Variants in NAV3 observed in about 807,000 individuals in gnomAD.
NAV3 encodes the protein pore membrane and/or filament interacting like protein 1.
In NAV3, 87 loss-of-function variants were observed where a neutral mutation model predicts 244.7. The ratio of observed to expected loss-of-function variants is 0.36; its 90% CI spans 0.30 to 0.42. NAV3 has a LOEUF of 0.42. Ranked by LOEUF, NAV3 falls within the 20% of genes least tolerant of loss-of-function variation. NAV3 has a pLI of 1.00. For synonymous variants in NAV3, 1,126 were observed against 1,042.2 expected (o/e 1.08, Z -1.55); for missense variants, 2,663 against 2,893.3 (o/e 0.92, Z 1.83).
chr12:77,704,366 A>C (rs1004257920), intron 2 of NAV3, among the ~76,000 whole-genome samples: 1 of 152,170 alleles, frequency 6.6e-6, no homozygotes, highest in South Asian at 2.1e-4. Context: ...GAAGTTTTTA[A>C]GATATTATTA....
intron 34 of NAV3, among the ~76,000 whole-genome samples, 170 bp from the exon 35 acceptor site, chr12:78,197,077 C>A (rs913962757): frequency 6.6e-6 from 1 of 151,762 alleles, no homozygotes; most frequent in African/African-American, 2.4e-5. Context: ...ATTCTGTCAG[C>A]AATATATGGT....
chr12:78,016,106 G>A (rs1876161883), intron 8 of NAV3, among the ~76,000 whole-genome samples: 1 of 151,734 alleles, frequency 6.6e-6, no homozygotes, highest in African/African-American at 2.4e-5. Flanking sequence ...GGCTCATCTT[G>A]CACATTCCCT....
intron 18 of NAV3, among the ~76,000 whole-genome samples, chr12:78,135,219 A>G (rs1467179771): frequency 6.6e-6 from 1 of 152,198 alleles, no homozygotes; most frequent in Non-Finnish European, 1.5e-5. Flanking sequence ...TTCTTCAGAC[A>G]TCTGCCCTAC....
At chr12:77,900,765 C>T (rs558172828) in intron 1 of NAV3, among the ~76,000 whole-genome samples, 1 of 152,182 alleles carries the variant, frequency 6.6e-6, no homozygotes, top group Non-Finnish European at 1.5e-5. Context: ...AATGGTAGTT[C>T]TCTTTTAAGT....
chr12:77,951,090 C>T (rs547881753), intron 3 of NAV3, among the ~76,000 whole-genome samples: 1 of 152,284 alleles, frequency 6.6e-6, no homozygotes, highest in Admixed American at 6.5e-5. Flanking sequence ...AACTAAAGAG[C>T]TTCTGCACAG....
intron 1 of NAV3, among the ~76,000 whole-genome samples, chr12:77,883,546 A>G (rs902729707): frequency 2.6e-5 from 4 of 152,150 alleles, no homozygotes; most frequent in Non-Finnish European, 5.9e-5. Flanking sequence ...TATGGAATAT[A>G]CACATGTAAC....
chr12:77,743,565 A>G (rs1386392283), intron 2 of NAV3, among the ~76,000 whole-genome samples: 1 of 151,926 alleles, frequency 6.6e-6, no homozygotes, highest in Admixed American at 6.6e-5. Flanking sequence ...ATGTTCATTC[A>G]TAAGTGAGTG....
At position 77,851,195 on chromosome 12, in the gene NAV3, A is replaced by AT. The variant is rs1376433454; in HGVS notation, c.243+19499dup. Among the ~76,000 whole-genome samples, 19 of 152,056 alleles carry AT rather than the reference A, an allele frequency of 1.2e-4. No individual in the cohort carries two copies. In the East Asian group the frequency reaches 1.5e-3, roughly 12 times the overall value. ...CACCCTGCTCTTTGACCTATCTTGA[A>AT]TTTTTTTTATGTAACTGTTAATCTT... On this transcript the variant is annotated intron_variant, in intron 1 of 39. Transcript: ENST00000397909.
chr12:77,751,037 G>A (rs982539949), intron 2 of NAV3, among the ~76,000 whole-genome samples: 19 of 152,040 alleles, frequency 1.2e-4, no homozygotes, highest in Admixed American at 5.9e-4. Context: ...GTTTATTAAC[G>A]AGTTGGGCTA....
At chr12:78,116,690 T>A (rs762415050) in intron 12 of NAV3, 82 bp from the exon 13 acceptor site, 57 of 1,318,144 alleles carry the variant, frequency 4.3e-5, no homozygotes, top group Non-Finnish European at 5.5e-5. Flanking sequence ...AATAATAAAT[T>A]GTGAATGTTG....
At position 78,177,735 on chromosome 12, in the gene NAV3, T is replaced by C. The variant is rs748639453; in HGVS notation, c.5363+50T>C. On this transcript the variant is annotated intron_variant, in intron 28 of 39. Coordinates refer to ENST00000397909, the MANE Select transcript of NAV3 (RefSeq NM_001024383.2). The stretch of plus-strand genomic sequence containing the variant: ...TACTGCAAAGATCCAGGTTCTAACC[T>C]AAGTAGTGTTTGCTTTTGCTTTTTC... 3.9e-6 allele frequency: 6 copies of C among 1,523,822 alleles called. No homozygotes were observed. In the African/African-American group the frequency reaches 4.1e-5, roughly 10 times the overall value. The allele number at this position is 1,523,822 out of a possible 1,614,324, so 94.4% of individuals were successfully genotyped here.
chr12:78,160,353 A>G (rs1335205471), intron 23 of NAV3, among the ~76,000 whole-genome samples: 1 of 146,750 alleles, frequency 6.8e-6, no homozygotes, highest in African/African-American at 2.5e-5. Flanking sequence ...TATCAGAGAT[A>G]GGTGAAACCT....
At chr12:77,859,758 C>CAAAAAAAAAAAAAAAAAAAAAAAA (rs61516625) in intron 1 of NAV3, among the ~76,000 whole-genome samples, 1 of 68,722 alleles carries the variant, frequency 1.5e-5, no homozygotes, top group Non-Finnish European at 2.7e-5. Flanking sequence ...CTTTCAAATG[C>CAAAAAAAAAAAAAAAAAAAAAAAA]AAAAAAAAAA....
chr12:77,576,419 C>T (rs1050172000), intron 2 of NAV3, among the ~76,000 whole-genome samples: 5 of 151,916 alleles, frequency 3.3e-5, no homozygotes, highest in South Asian at 2.1e-4. Context: ...CAAACAGAAG[C>T]GTGGTCTGGG....
chr12:77,750,855 A>G (rs1385965893), intron 2 of NAV3, among the ~76,000 whole-genome samples: 1 of 152,230 alleles, frequency 6.6e-6, no homozygotes, highest in East Asian at 1.9e-4. Context: ...ACAGCAAGTG[A>G]TAATCAATTT....
chr12:78,137,745 CAT>C (rs1956434675), intron 19 of NAV3, among the ~76,000 whole-genome samples: 1 of 152,160 alleles, frequency 6.6e-6, no homozygotes, highest in Non-Finnish European at 1.5e-5. Context: ...GAAAATACCA[CAT>C]GTTGCTGACT....
At chr12:78,136,535 T>C (rs1956380491) in intron 18 of NAV3, among the ~76,000 whole-genome samples, 1 of 152,204 alleles carries the variant, frequency 6.6e-6, no homozygotes, top group African/African-American at 2.4e-5. Flanking sequence ...CATCATGATA[T>C]GCTCATCTTA....
At chr12:77,862,763 A>G (rs1191277557) in intron 1 of NAV3, among the ~76,000 whole-genome samples, 1 of 151,800 alleles carries the variant, frequency 6.6e-6, no homozygotes, top group Non-Finnish European at 1.5e-5. Context: ...TTAAAACATT[A>G]TTTTGATTAA....
chr12:78,114,036 T>A (rs1955241804), intron 12 of NAV3, among the ~76,000 whole-genome samples: 2 of 152,144 alleles, frequency 1.3e-5, no homozygotes, highest in Non-Finnish European at 2.9e-5. Flanking sequence ...GTACCACAGA[T>A]CTCTAGGGCA....
Sources: gnomAD v4.1 joint callset for allele counts (sites outside exome capture counted in the v4.1 genomes callset) on GRCh38, gnomAD v4.1.1 for gene constraint, MANE v1.5 for transcripts, NCBI Gene and HGNC (gene_info 2026-07-23, HGNC 2026-07-21) for gene names.